TLN2: variants seen among roughly 807,000 people sequenced by gnomAD.
TLN2 encodes the protein talin-2.
In TLN2, 118 loss-of-function variants were observed where a neutral mutation model predicts 294.7. The ratio of observed to expected loss-of-function variants is 0.40; its 90% CI spans 0.34 to 0.47. TLN2 has a LOEUF of 0.47. Ranked by LOEUF, TLN2 falls within the 20% of genes least tolerant of loss-of-function variation. The probability of loss-of-function intolerance (pLI) is 0.84; values close to 1 mark genes in which losing one functional copy is unlikely to be tolerated. For missense variants in TLN2, 3,083 were observed against 3,282.2 expected, an observed-to-expected ratio of 0.94 and a Z score of 1.48; for synonymous variants, 1,431 against 1,304.5, an observed-to-expected ratio of 1.10 and a Z score of -2.09.
chr15:62,498,385 C>T (rs1194579719), intron 1 of TLN2, among the ~76,000 whole-genome samples: 2 of 152,058 alleles, frequency 1.3e-5, no homozygotes, highest in Non-Finnish European at 2.9e-5. Flanking sequence ...GTCAGTTCCC[C>T]AAGGGTTGAC....
chr15:62,555,511 A>G (rs4774439), intron 1 of TLN2, among the ~76,000 whole-genome samples: 2,050 of 152,322 alleles, frequency 0.013, 18 homozygotes, highest in Middle Eastern at 0.037. Flanking sequence ...AACTTTGTTT[A>G]TGAAATATAG....
At chr15:62,398,603 C>G (rs1040840726) in intron 1 of TLN2, among the ~76,000 whole-genome samples, 2 of 152,126 alleles carry the variant, frequency 1.3e-5, no homozygotes, top group Admixed American at 1.3e-4. Context: ...ACAATAAATT[C>G]TAGGCTGAGG....
Position 62,410,114 on chromosome 15 carries a change from C to T in TLN2, c.-238+19429C>T, listed in dbSNP as rs577158706. ...AAAATTAGCCGGGCGTGGTGGTGTG[C>T]GCCTGTAATCCCAGCTACTCAGGAG... On this transcript the variant is annotated intron_variant, in intron 1 of 58. Transcript: ENST00000636159. Among the ~76,000 whole-genome samples, 5 of 152,034 alleles carry T rather than the reference C, an allele frequency of 3.3e-5. No individual in the cohort carries two copies. In the East Asian group the frequency reaches 5.8e-4, roughly 18 times the overall value.
chr15:62,739,555 G>A lies in TLN2; in HGVS notation c.3885+10G>A, dbSNP rs778913411. The A allele has an allele frequency of 6.2e-7, 1 of 1,614,028 alleles. No homozygotes were observed. Among genetic ancestry groups the A allele is most frequent in the Non-Finnish European group, 8.5e-7 (1 of 1,179,954 alleles). On this transcript the variant is annotated intron_variant, in intron 31 of 58. Coordinates refer to ENST00000636159, the MANE Select transcript of TLN2 (RefSeq NM_015059.3). The stretch of plus-strand genomic sequence containing the variant: ...GGCTGGCCAAGCTCAGGTGGGTGTG[G>A]AGGTGGTTGTCTGGAGTTGACCTTA...
chr15:62,604,621 G>T (rs116527274), intron 2 of TLN2, among the ~76,000 whole-genome samples: 5 of 151,124 alleles, frequency 3.3e-5, no homozygotes, highest in African/African-American at 1.2e-4. Context: ...AGGTTCAGGA[G>T]GGTGTTGGTG....
intron 1 of TLN2, among the ~76,000 whole-genome samples, chr15:62,447,937 C>G (rs113856289): frequency 3.2e-4 from 49 of 152,296 alleles, no homozygotes; most frequent in African/African-American, 8.2e-4. Flanking sequence ...ATGAGGTGCT[C>G]GTGACACCAG....
At chr15:62,767,397 A>C (rs991279506) in intron 41 of TLN2, among the ~76,000 whole-genome samples, 2 of 150,080 alleles carry the variant, frequency 1.3e-5, no homozygotes, top group Non-Finnish European at 3.0e-5. Flanking sequence ...GCTGGAGTGC[A>C]GTGGTGTGAT....
chr15:62,805,826 C>CT lies in TLN2; in HGVS notation c.6663+42dup, dbSNP rs1472725485. Reference sequence around the variant, plus strand: ...TGGTTTTGGATGGACAGATGATTCTCTGTCGTGACTGGGTTGCTTGGTGTA... The same window carrying CT: ...TGGTTTTGGATGGACAGATGATTCTCTTGTCGTGACTGGGTTGCTTGGTGTA... On this transcript the variant is annotated intron_variant, in intron 51 of 58. Transcript: ENST00000636159. The CT allele has an allele frequency of 1.9e-6, 3 of 1,585,746 alleles. No homozygotes were observed. The Admixed American group carries it at 5.2e-5, about 27-fold the overall frequency.
intron 1 of TLN2, among the ~76,000 whole-genome samples, chr15:62,429,951 A>G (rs1266816872): frequency 6.6e-6 from 1 of 152,202 alleles, no homozygotes; most frequent in African/African-American, 2.4e-5. Flanking sequence ...TAACCGATAT[A>G]AATGCGGAGA....
chr15:62,815,914 T>G (rs2067076474), intron 52 of TLN2, among the ~76,000 whole-genome samples: 1 of 152,226 alleles, frequency 6.6e-6, no homozygotes, highest in African/African-American at 2.4e-5. Context: ...TGCCAATGAC[T>G]ATCATGATTT....
At chr15:62,827,139 CTTCAAGT>C in intron 54 of TLN2, among the ~76,000 whole-genome samples, 1 of 152,166 alleles carries the variant, frequency 6.6e-6, no homozygotes, top group South Asian at 2.1e-4. Flanking sequence ...GCTCCTTCAC[CTTCAAGT>C]TCATTGGCGG....
chr15:62,798,078 A>C (rs1465403783), intron 48 of TLN2, among the ~76,000 whole-genome samples: 3 of 151,964 alleles, frequency 2.0e-5, no homozygotes, highest in African/African-American at 7.3e-5. Flanking sequence ...AAGAGGGAAG[A>C]CTGGGAACTG....
chr15:62,829,929 A>G (rs2068620143), intron 54 of TLN2: 1 of 152,196 alleles, frequency 6.6e-6, no homozygotes, highest in Admixed American at 6.5e-5. Context: ...ACTTAACATA[A>G]GGATCTCCAG....
intron 1 of TLN2, among the ~76,000 whole-genome samples, chr15:62,515,377 A>G (rs1483925301): frequency 6.6e-6 from 1 of 152,182 alleles, no homozygotes; most frequent in East Asian, 1.9e-4. Flanking sequence ...TGTCACTGGA[A>G]ATTTGCATAG....
chr15:62,653,270 G>A lies in TLN2; in HGVS notation c.473G>A (p.Arg158Lys). Residue 158 changes from arginine to lysine, a missense_variant, in exon 7 of 59, where the codon AGG (arginine) becomes AAG (lysine). Arg to Lys is a conservative substitution (Grantham distance 26, BLOSUM62 2). Coordinates refer to ENST00000636159, the MANE Select transcript of TLN2 (RefSeq NM_015059.3). ...GACAGGACACTGTTACGAGATGAGA[G>A]GAAAATGGAGAAGTTGAAGGCCAAG... is the stretch of plus-strand genomic sequence containing the variant. ...KKDRTLLRDE[R>K]KMEKLKAKLH... 2 of 1,613,786 alleles carry A rather than the reference G, an allele frequency of 1.2e-6. No homozygotes were observed. The highest frequency in any genetic ancestry group is 1.1e-5 in the South Asian group (1 of 90,902).
chr15:62,731,558 G>T (rs1019641683), intron 28 of TLN2, among the ~76,000 whole-genome samples: 2 of 152,144 alleles, frequency 1.3e-5, no homozygotes, highest in Non-Finnish European at 2.9e-5. Context: ...TGTGTGTCCC[G>T]TCTGAAAGGG....
intron 1 of TLN2, among the ~76,000 whole-genome samples, chr15:62,534,509 C>A (rs2140505614): frequency 6.6e-6 from 1 of 152,290 alleles, no homozygotes; most frequent in South Asian, 2.1e-4. Flanking sequence ...GGTGGATGCA[C>A]CACCCTCCAA....
Position 62,468,109 on chromosome 15 carries a change from AAATTT to A in TLN2, c.-238+77431_-238+77435del, listed in dbSNP as rs572884637. ...GGAAAGCTGTTGCGAAGGCTTAAATAAATTTAATTTATTAAATAAATTTTTAAATT... is the reference window on the plus strand; with the variant it reads ...GGAAAGCTGTTGCGAAGGCTTAAATAAATTTATTAAATAAATTTTTAAATT... On this transcript the variant is annotated intron_variant, in intron 1 of 58. Transcript: ENST00000636159. Among the ~76,000 whole-genome samples, 36 of 150,858 alleles carry A rather than the reference AAATTT, an allele frequency of 2.4e-4. 1 individual carries two copies. In the East Asian group the frequency reaches 6.7e-3, roughly 28 times the overall value.
intron 1 of TLN2, among the ~76,000 whole-genome samples, chr15:62,476,855 C>A (rs1278306349): frequency 6.6e-6 from 1 of 152,218 alleles, no homozygotes; most frequent in Non-Finnish European, 1.5e-5. Context: ...CATGTCTCAT[C>A]CTAATGCCAC....
Sources: gnomAD v4.1 joint callset for allele counts (sites outside exome capture counted in the v4.1 genomes callset) on GRCh38, gnomAD v4.1.1 for gene constraint, MANE v1.5 for transcripts, NCBI Gene and HGNC (gene_info 2026-07-23, HGNC 2026-07-21) for gene names.